PLEKHH2: variants seen among roughly 807,000 people sequenced by gnomAD.
The protein encoded by PLEKHH2 is pleckstrin homology, MyTH4 and FERM domain containing H2.
In PLEKHH2, 129 loss-of-function variants were observed where a neutral mutation model predicts 187.9. The ratio of observed to expected loss-of-function variants is 0.69; its 90% CI spans 0.59 to 0.79. The LOEUF is 0.79. Among genes scored for constraint, PLEKHH2 ranks in the 30% least tolerant of loss-of-function variants. The pLI is 0.00. For missense variants in PLEKHH2, 2,076 were observed against 1,751.2 expected (o/e 1.19, Z -3.31); for synonymous variants, 686 against 605.6 (o/e 1.13, Z -1.95).
intron 6 of PLEKHH2, among the ~76,000 whole-genome samples, chr2:43,695,752 C>G (rs1043469955): frequency 3.2e-4 from 49 of 152,154 alleles, no homozygotes; most frequent in African/African-American, 1.2e-3. Context: ...ATCAGAGAGA[C>G]ATGCACTCCA....
chr2:43,671,489 T>C (rs1018422875), intron 2 of PLEKHH2, among the ~76,000 whole-genome samples: 1 of 152,208 alleles, frequency 6.6e-6, no homozygotes, highest in Non-Finnish European at 1.5e-5. Flanking sequence ...GGCTATTACA[T>C]AGGTTAGCAC....
chr2:43,672,252 T>G (rs1574509725), intron 2 of PLEKHH2, among the ~76,000 whole-genome samples: 1 of 152,214 alleles, frequency 6.6e-6, no homozygotes, highest in Non-Finnish European at 1.5e-5. Context: ...ATTGATAATT[T>G]GTGTCTTTTT....
intron 15 of PLEKHH2, among the ~76,000 whole-genome samples, chr2:43,716,944 T>C (rs1414578652): frequency 1.3e-5 from 2 of 152,164 alleles, no homozygotes; most frequent in African/African-American, 4.8e-5. Context: ...TGGAATTTTG[T>C]TGAGTGGATT....
At chr2:43,675,270 G>T in intron 2 of PLEKHH2, 1 of 640,658 alleles carries the variant, frequency 1.6e-6, no homozygotes, top group South Asian at 3.4e-5. Flanking sequence ...AATAATATAT[G>T]AATTATTGAA....
chr2:43,757,028 A>G (rs901554936), intron 25 of PLEKHH2, 91 bp from the exon 26 acceptor site: 2 of 1,015,958 alleles, frequency 2.0e-6, no homozygotes, highest in African/African-American at 1.7e-5. Context: ...ATTATGTGTT[A>G]AAAAAGAATG....
Position 43,753,641 on chromosome 2 carries a change from C to T in PLEKHH2, c.3676C>T (p.Arg1226Cys), listed in dbSNP as rs766682303. 2.4e-5 allele frequency: 37 copies of T among 1,552,842 alleles called. No homozygotes were observed. The highest frequency in any genetic ancestry group is 5.1e-5 in the South Asian group (4 of 78,606). The part of the protein sequence containing the change: ...KNRLYFSVQA[R>C]GETDREKLLL... ...CAGACTATATTTCTCAGTGCAAGCT[C>T]GTGGAGAGACTGATAGAGAAAAGTT... Residue 1226 changes from arginine to cysteine, a missense_variant, in exon 25 of 30, where the codon CGT becomes TGT. Arg to Cys is a radical substitution (Grantham distance 180). Transcript: ENST00000282406.
chr2:43,758,667 C>T (rs765132414), intron 26 of PLEKHH2, among the ~76,000 whole-genome samples: 3 of 152,082 alleles, frequency 2.0e-5, no homozygotes, highest in Non-Finnish European at 4.4e-5. Flanking sequence ...CTGTGGGTAC[C>T]TAGTTCATGC....
intron 15 of PLEKHH2, among the ~76,000 whole-genome samples, chr2:43,717,276 G>T (rs746640342): frequency 3.3e-5 from 5 of 152,002 alleles, no homozygotes; most frequent in Non-Finnish European, 7.4e-5. Flanking sequence ...AAATTAGCCG[G>T]GCATGGCAGC....
intron 6 of PLEKHH2, among the ~76,000 whole-genome samples, chr2:43,696,875 T>C (rs1223799170): frequency 2.0e-5 from 3 of 152,216 alleles, no homozygotes; most frequent in Non-Finnish European, 2.9e-5. Context: ...TAGTTATTTA[T>C]AATCTGTTTG....
Position 43,700,199 on chromosome 2 carries a change from C to G in PLEKHH2, c.1241C>G (p.Ala414Gly). ...ANTPSPILTP[A>G]LMPKHPNSLS... ...ACCCCAAGCCCTATTTTGACCCCAGCTTTAATGCCAAAGCATCCTAACTCA... is the reference window on the plus strand; with the variant it reads ...ACCCCAAGCCCTATTTTGACCCCAGGTTTAATGCCAAAGCATCCTAACTCA... The change falls in exon 8 of 30, where the codon GCT becomes GGT. Residue 414 changes from alanine (A) to glycine (G), a missense_variant. Transcript: ENST00000282406. 1 of 1,614,166 alleles carries G rather than the reference C, an allele frequency of 6.2e-7. No individual in the cohort carries two copies. Among genetic ancestry groups the G allele is most frequent in the Non-Finnish European group, 8.5e-7 (1 of 1,180,020 alleles).
chr2:43,757,571 A>G (rs1199744579), intron 26 of PLEKHH2, among the ~76,000 whole-genome samples: 1 of 152,084 alleles, frequency 6.6e-6, no homozygotes, highest in East Asian at 1.9e-4. Context: ...GGCGCCCGCC[A>G]CCACACCCAG....
At chr2:43,684,006 C>T (rs1668371006) in intron 3 of PLEKHH2, among the ~76,000 whole-genome samples, 1 of 152,166 alleles carries the variant, frequency 6.6e-6, no homozygotes, top group South Asian at 2.1e-4. Context: ...CAGAGTGGTA[C>T]ATTTATTACA....
rs572893636 is a variant in PLEKHH2 at position 43,669,391 on chromosome 2, G to T, written c.124-9472G>T. ...AAATGTTCTGGAATTAGCAGTGATG[G>T]TTGCACAACTCTTTGAATATACTAA... On this transcript the variant is annotated intron_variant, in intron 2 of 29. Coordinates refer to ENST00000282406, the MANE Select transcript of PLEKHH2 (RefSeq NM_172069.4). Among the ~76,000 whole-genome samples, 83 of 152,248 alleles carry T rather than the reference G, an allele frequency of 5.5e-4. 1 individual carries two copies. Among genetic ancestry groups the T allele is most frequent in the African/African-American group, 1.9e-3 (80 of 41,532 alleles).
rs773585337 is a variant in PLEKHH2, at chr2:43,758,935, C to T, written c.3977C>T (p.Ala1326Val). 7.5e-6 allele frequency: 12 copies of T among 1,600,408 alleles called. No homozygotes were observed. The highest frequency in any genetic ancestry group is 1.0e-5 in the Non-Finnish European group (12 of 1,170,080). ...LCQRLSTRWM[A>V]LRGHSAADCV... ...CAGCGACTTTCAACCAGATGGATGG[C>T]CCTCCGGGGACACAGTGCTGCTGAC... is the stretch of plus-strand genomic sequence containing the variant. The change falls in exon 27 of 30, where the codon GCC (alanine) becomes GTC (valine). Residue 1326 changes from alanine (A) to valine (V), a missense_variant. Ala to Val is a moderately conservative substitution (Grantham distance 64). Coordinates refer to ENST00000282406, the MANE Select transcript of PLEKHH2 (RefSeq NM_172069.4).
chr2:43,752,373 A>G (rs953446868), intron 24 of PLEKHH2, among the ~76,000 whole-genome samples: 2 of 152,132 alleles, frequency 1.3e-5, no homozygotes, highest in Non-Finnish European at 1.5e-5. Context: ...TCTGATTTGT[A>G]AACTGGGTAA....
At chr2:43,698,254 T>TC (rs1484664329) in intron 7 of PLEKHH2, among the ~76,000 whole-genome samples, 1 of 150,720 alleles carries the variant, frequency 6.6e-6, no homozygotes, top group Non-Finnish European at 1.5e-5. Flanking sequence ...TCTCTCTCTT[T>TC]TTTTTTTTTT....
intron 25 of PLEKHH2, among the ~76,000 whole-genome samples, chr2:43,754,205 C>CACACACAAAA (rs1553353833): frequency 7.0e-6 from 1 of 143,078 alleles, no homozygotes; most frequent in African/African-American, 2.7e-5. Context: ...CACACACACA[C>CACACACAAAA]AAAATTAATA....
chr2:43,710,964 C>A (rs1669936405), intron 14 of PLEKHH2: 1 of 1,005,228 alleles, frequency 9.9e-7, no homozygotes, highest in Non-Finnish European at 1.2e-6. Context: ...AATATAGAAT[C>A]TGAAAATGAC....
chr2:43,709,544 T>C (rs977145687), intron 11 of PLEKHH2, among the ~76,000 whole-genome samples: 3 of 152,212 alleles, frequency 2.0e-5, no homozygotes, highest in African/African-American at 7.2e-5. Context: ...GAGATTTACA[T>C]GACAGTCCCT....
Sources: allele counts gnomAD v4.1 joint callset (sites outside exome capture counted in the v4.1 genomes callset), GRCh38; gene constraint gnomAD v4.1.1; transcripts MANE v1.5; gene names NCBI Gene and HGNC (gene_info 2026-07-23, HGNC 2026-07-21).